Variants in MITF observed in about 807,000 individuals in gnomAD.
MITF encodes the protein melanocyte inducing transcription factor.
Under a neutral mutation model 60.5 loss-of-function variants are expected in MITF, and 17 were observed. That is an observed-to-expected ratio of 0.28 (90% CI 0.19 to 0.42). The LOEUF (loss-of-function observed/expected upper bound fraction) is 0.42, where lower values mean the gene tolerates loss of function less well. MITF is among the 10% of genes least tolerant of loss of function. MITF has a pLI of 1.00. For synonymous variants in MITF, 260 were observed against 248.5 expected (o/e 1.05, Z -0.43); for missense variants, 622 against 683.5 (o/e 0.91, Z 1.00).
rs142263283 is a variant in MITF at position 69,965,240 on chromosome 3, A to G, written c.1573A>G (p.Thr525Ala). 7.7e-5 allele frequency: 125 copies of G among 1,613,820 alleles called. No individual in the cohort carries two copies. In the African/African-American group the frequency reaches 1.4e-3, roughly 18 times the overall value. The change falls in exon 10 of 10, where the codon ACT becomes GCT. Residue 525 changes from threonine to alanine, a missense_variant. Physicochemically the swap from Thr to Ala is moderately conservative, Grantham distance 58 (BLOSUM62 0). Coordinates refer to ENST00000352241, the MANE Select transcript of MITF (RefSeq NM_001354604.2). ...TATGAGCATGGAAGAGACGGAGCAC[A>G]CTTGTTAGCGAATCCTCCCTGCACT... ...SSMSMEETEH[T>A]C
chr3:69,822,903 G>T lies in MITF; in HGVS notation c.105-56231G>T, dbSNP rs1167046630. Among the ~76,000 whole-genome samples the T allele has an allele frequency of 7.7e-4, 111 of 144,150 alleles. 1 individual carries two copies. The highest frequency in any genetic ancestry group is 1.5e-3 in the African/African-American group (58 of 39,298). 94.6% of individuals were successfully genotyped at this position (144,150 alleles called of 152,430 possible). A position where few individuals can be genotyped will look rare whatever the true frequency, so the allele number is the denominator to read the frequency against. The stretch of plus-strand genomic sequence containing the variant: ...TCCAAGGTTTATTTATTTGGTGTTT[G>T]TTTTTTTTTTTTTCTTGAAAGAGTC... On this transcript the variant is annotated intron_variant, in intron 1 of 9. Transcript: ENST00000352241.
rs2106880542 is a variant in MITF at position 69,782,474 on chromosome 3, A to G, written c.104+42773A>G. Among the ~76,000 whole-genome samples the G allele has an allele frequency of 1.3e-5, 2 of 152,300 alleles. 1 individual carries two copies. Among genetic ancestry groups the G allele is most frequent in the South Asian group, 4.1e-4 (2 of 4,822 alleles). ...GTCTATTAGTTGCTGTTATTCTTCC[A>G]TTTAATTGATGAGAACACTGAGATT... On this transcript the variant is annotated intron_variant, in intron 1 of 9. Coordinates refer to ENST00000352241, the MANE Select transcript of MITF (RefSeq NM_001354604.2).
At chr3:69,753,686 G>A (rs1457202230) in intron 1 of MITF, among the ~76,000 whole-genome samples, 3 of 152,230 alleles carry the variant, frequency 2.0e-5, no homozygotes, top group African/African-American at 4.8e-5. Context: ...AGTCAAAGGA[G>A]ATTATTTTGG....
At chr3:69,748,968 A>G (rs1407765549) in intron 1 of MITF, among the ~76,000 whole-genome samples, 1 of 152,206 alleles carries the variant, frequency 6.6e-6, no homozygotes, top group Non-Finnish European at 1.5e-5. Flanking sequence ...TGCTATATTT[A>G]CTTTGGTACC....
intron 1 of MITF, among the ~76,000 whole-genome samples, chr3:69,769,124 G>C (rs2062351131): frequency 6.6e-6 from 1 of 152,134 alleles, no homozygotes; most frequent in African/African-American, 2.4e-5. Flanking sequence ...ATTTGCCAAG[G>C]TTTGAGTCTT....
At chr3:69,781,417 G>C (rs1267287180) in intron 1 of MITF, among the ~76,000 whole-genome samples, 1 of 152,046 alleles carries the variant, frequency 6.6e-6, no homozygotes, top group African/African-American at 2.4e-5. Flanking sequence ...CTCAGAACTG[G>C]CTGCAAAATT....
intron 3 of MITF, chr3:69,938,544 A>G: frequency 1.4e-6 from 2 of 1,416,648 alleles, no homozygotes; most frequent in Non-Finnish European, 1.8e-6. Context: ...CATATAGCAC[A>G]TGAGACTTTA....
intron 1 of MITF, among the ~76,000 whole-genome samples, chr3:69,757,076 T>C (rs1012460088): frequency 2.6e-5 from 4 of 152,158 alleles, no homozygotes; most frequent in African/African-American, 9.7e-5. Context: ...TCCCATTCTG[T>C]AGATTGTGTG....
At chr3:69,845,438 C>CTTTTTTTTTTTTTTTTTT (rs202135701) in intron 1 of MITF, among the ~76,000 whole-genome samples, 6 of 133,676 alleles carry the variant, frequency 4.5e-5, no homozygotes, top group Non-Finnish European at 8.1e-5. Flanking sequence ...TTTCTTTTTT[C>CTTTTTTTTTTTTTTTTTT]TTTCTTTTTT....
chr3:69,913,325 A>C (rs2065263369), intron 2 of MITF, among the ~76,000 whole-genome samples: 1 of 152,000 alleles, frequency 6.6e-6, no homozygotes, highest in African/African-American at 2.4e-5. Flanking sequence ...CTCATTTTTA[A>C]TGTACAGTGT....
chr3:69,835,169 C>T (rs1390372681), intron 1 of MITF, among the ~76,000 whole-genome samples: 1 of 151,826 alleles, frequency 6.6e-6, no homozygotes, highest in Non-Finnish European at 1.5e-5. Context: ...AGGAGCATGC[C>T]ACCACGCCTG....
chr3:69,952,347 C>T (rs1188345793), intron 7 of MITF, among the ~76,000 whole-genome samples: 3 of 151,912 alleles, frequency 2.0e-5, no homozygotes, highest in Non-Finnish European at 2.9e-5. Flanking sequence ...TGACATGATT[C>T]GTGACTTAAA....
At chr3:69,924,882 T>C (rs2065550684) in intron 2 of MITF, among the ~76,000 whole-genome samples, 1 of 152,228 alleles carries the variant, frequency 6.6e-6, no homozygotes, top group South Asian at 2.1e-4. Context: ...TTCATGTTTT[T>C]CCCCTTTTTC....
intron 2 of MITF, among the ~76,000 whole-genome samples, chr3:69,935,310 T>C (rs1024787945): frequency 1.4e-4 from 22 of 152,234 alleles, no homozygotes; most frequent in Admixed American, 1.1e-3. Flanking sequence ...CAGTGCCACA[T>C]AGAAAGCAAA....
At chr3:69,889,972 CT>C (rs1304639988) in intron 2 of MITF, among the ~76,000 whole-genome samples, 1 of 152,116 alleles carries the variant, frequency 6.6e-6, no homozygotes, top group African/African-American at 2.4e-5. Flanking sequence ...GGATTCTGCT[CT>C]ACTGTTGGTA....
intron 1 of MITF, among the ~76,000 whole-genome samples, chr3:69,861,867 A>G (rs2064022534): frequency 6.6e-6 from 1 of 152,140 alleles, no homozygotes. Context: ...TGTGAGTTTC[A>G]TTATTACTTT....
chr3:69,752,309 G>A (rs566208085), intron 1 of MITF: 2 of 152,274 alleles, frequency 1.3e-5, no homozygotes, highest in South Asian at 2.1e-4. Flanking sequence ...AGAATTTGGG[G>A]GACTCAGAAG....
chr3:69,909,639 G>C (rs1386467089), intron 2 of MITF, among the ~76,000 whole-genome samples: 1 of 152,150 alleles, frequency 6.6e-6, no homozygotes, highest in Non-Finnish European at 1.5e-5. Flanking sequence ...AACTTGTTGG[G>C]AACTGGAGCA....
At chr3:69,901,568 A>G (rs187486843) in intron 2 of MITF, among the ~76,000 whole-genome samples, 6 of 152,198 alleles carry the variant, frequency 3.9e-5, no homozygotes, top group Admixed American at 2.6e-4. Flanking sequence ...GTCTGAGCCC[A>G]TGGAAGTTTC....
Sources: gnomAD v4.1 joint callset for allele counts (sites outside exome capture counted in the v4.1 genomes callset) on GRCh38, gnomAD v4.1.1 for gene constraint, MANE v1.5 for transcripts, NCBI Gene and HGNC (gene_info 2026-07-23, HGNC 2026-07-21) for gene names.